DCC: variants seen among roughly 807,000 people sequenced by gnomAD.
DCC encodes the protein DCC netrin 1 receptor.
In DCC, 58 loss-of-function variants were observed where a neutral mutation model predicts 172.5. The observed-to-expected ratio is 0.34, with a 90% CI of 0.27 to 0.42. The LOEUF is 0.42. DCC is among the 10% of genes least tolerant of loss of function. DCC has a pLI of 1.00. For missense variants in DCC, 1,740 were observed against 1,791.0 expected, an observed-to-expected ratio of 0.97 and a Z score of 0.51; for synonymous variants, 709 against 644.5, an observed-to-expected ratio of 1.10 and a Z score of -1.52.
chr18:53,160,696 T>C (rs2144407513), intron 8 of DCC, among the ~76,000 whole-genome samples: 1 of 152,308 alleles, frequency 6.6e-6, no homozygotes, highest in South Asian at 2.1e-4. Context: ...GCAGTCTCTC[T>C]CACATACGCT....
intron 7 of DCC, among the ~76,000 whole-genome samples, chr18:53,079,011 C>T (rs1301287007): frequency 6.6e-6 from 1 of 152,066 alleles, no homozygotes; most frequent in Non-Finnish European, 1.5e-5. Flanking sequence ...GCAGACATCG[C>T]CTGAGTTGTA....
At chr18:52,849,820 A>G (rs1437476106) in intron 2 of DCC, among the ~76,000 whole-genome samples, 1 of 152,188 alleles carries the variant, frequency 6.6e-6, no homozygotes, top group Non-Finnish European at 1.5e-5. Flanking sequence ...TTTTGATTTC[A>G]GTGTTCACAT....
At chr18:53,140,854 C>T (rs1442718516) in intron 7 of DCC, among the ~76,000 whole-genome samples, 2 of 152,040 alleles carry the variant, frequency 1.3e-5, no homozygotes, top group South Asian at 2.1e-4. Flanking sequence ...TGATAGGTGG[C>T]TATTGATTTA....
At chr18:52,569,174 G>C (rs1376578298) in intron 1 of DCC, among the ~76,000 whole-genome samples, 1 of 152,194 alleles carries the variant, frequency 6.6e-6, no homozygotes, top group Non-Finnish European at 1.5e-5. Context: ...AATCTGTACT[G>C]TGTGTGAAGC....
At chr18:53,061,690 A>G (rs1020896208) in intron 5 of DCC, among the ~76,000 whole-genome samples, 1 of 152,132 alleles carries the variant, frequency 6.6e-6, no homozygotes. Flanking sequence ...ACTTTAGTAC[A>G]TAGGCAGGGA....
At position 52,723,329 on chromosome 18, in the gene DCC, A is replaced by T. The variant is rs562351193; in HGVS notation, c.92-28725A>T. On this transcript the variant is annotated intron_variant, in intron 1 of 28. Coordinates refer to ENST00000442544, the MANE Select transcript of DCC (RefSeq NM_005215.4). The stretch of plus-strand genomic sequence containing the variant: ...ATTAGACACAGAATTCAACACAAAA[A>T]CCATTCAGACGCTTTACTGGTGATC... Among the ~76,000 whole-genome samples, 3 of 152,340 alleles carry T rather than the reference A, an allele frequency of 2.0e-5. No individual in the cohort carries two copies. In the South Asian group the frequency reaches 6.2e-4, roughly 32 times the overall value.
At chr18:52,744,438 A>G (rs2036876163) in intron 1 of DCC, among the ~76,000 whole-genome samples, 1 of 152,200 alleles carries the variant, frequency 6.6e-6, no homozygotes, top group Non-Finnish European at 1.5e-5. Flanking sequence ...ATTTAAGTTC[A>G]GGAATTAATT....
At chr18:53,143,254 A>G (rs537669732) in intron 7 of DCC, among the ~76,000 whole-genome samples, 1 of 152,250 alleles carries the variant, frequency 6.6e-6, no homozygotes, top group African/African-American at 2.4e-5. Flanking sequence ...TATGACTAAG[A>G]TCTAACATGA....
chr18:53,238,845 A>G (rs2056243786), intron 12 of DCC, among the ~76,000 whole-genome samples: 1 of 152,132 alleles, frequency 6.6e-6, no homozygotes, highest in Non-Finnish European at 1.5e-5. Context: ...TCAGACAGCT[A>G]ATATTTATTG....
intron 5 of DCC, among the ~76,000 whole-genome samples, chr18:52,964,397 G>C (rs1168323255): frequency 6.6e-6 from 1 of 152,110 alleles, no homozygotes; most frequent in Admixed American, 6.6e-5. Flanking sequence ...CAAAGGAAAA[G>C]ATAAGGCATT....
At chr18:52,597,317 T>C (rs1568247729) in intron 1 of DCC, among the ~76,000 whole-genome samples, 1 of 152,196 alleles carries the variant, frequency 6.6e-6, no homozygotes, top group South Asian at 2.1e-4. Flanking sequence ...TAATCAGAAG[T>C]GTTTACACTT....
At chr18:52,906,473 G>A in intron 3 of DCC, 145 bp downstream of exon 3, 1 of 908,884 alleles carries the variant, frequency 1.1e-6, no homozygotes, top group Non-Finnish European at 1.7e-6. Flanking sequence ...CTTCCTTGCC[G>A]AAGCATTCAA....
intron 21 of DCC, 25 bp downstream of exon 21, chr18:53,416,181 T>C: frequency 6.4e-7 from 1 of 1,572,418 alleles, no homozygotes; most frequent in Non-Finnish European, 8.8e-7. Flanking sequence ...TCTGTCATTT[T>C]GTGTTCCTTG....
chr18:52,350,348 T>C (rs774878998), intron 1 of DCC, among the ~76,000 whole-genome samples: 5 of 152,216 alleles, frequency 3.3e-5, no homozygotes, highest in Admixed American at 2.0e-4. Context: ...TTTATTGATT[T>C]GCGTATGTTG....
At chr18:52,651,414 C>A (rs1395637096) in intron 1 of DCC, among the ~76,000 whole-genome samples, 2 of 152,052 alleles carry the variant, frequency 1.3e-5, no homozygotes, top group Non-Finnish European at 2.9e-5. Context: ...AACCCCTGGG[C>A]TCAAGCGATC....
At chr18:53,225,978 C>G (rs1203933024) in intron 12 of DCC, among the ~76,000 whole-genome samples, 1 of 152,082 alleles carries the variant, frequency 6.6e-6, no homozygotes, top group Non-Finnish European at 1.5e-5. Flanking sequence ...GGGCATGGGG[C>G]AGAGTGGTGA....
At chr18:52,687,397 G>T (rs1385775113) in intron 1 of DCC, among the ~76,000 whole-genome samples, 4 of 149,436 alleles carry the variant, frequency 2.7e-5, no homozygotes, top group African/African-American at 9.9e-5. Context: ...CAATTCTCCT[G>T]CCTCAGCCTC....
At chr18:53,321,839 A>T (rs1366088860) in intron 13 of DCC, among the ~76,000 whole-genome samples, 4 of 152,208 alleles carry the variant, frequency 2.6e-5, no homozygotes, top group African/African-American at 4.8e-5. Context: ...TAAACTGGAA[A>T]AAAACTCATA....
At chr18:53,388,377 T>G (rs983077703) in intron 16 of DCC, among the ~76,000 whole-genome samples, 7 of 152,232 alleles carry the variant, frequency 4.6e-5, no homozygotes, top group Non-Finnish European at 1.0e-4. Context: ...ATCTCTAAGC[T>G]TCTGCAAAGG....
Sources: gnomAD v4.1 joint callset for allele counts (sites outside exome capture counted in the v4.1 genomes callset) on GRCh38, gnomAD v4.1.1 for gene constraint, MANE v1.5 for transcripts, NCBI Gene and HGNC (gene_info 2026-07-23, HGNC 2026-07-21) for gene names.